Variants in SH3TC1 observed in about 807,000 individuals in gnomAD.
The protein encoded by SH3TC1 is SH3 domain and tetratricopeptide repeats 1, also known as SH3 domain and tetratricopeptide repeat-containing protein 1.
Under a neutral mutation model 117.3 loss-of-function variants are expected in SH3TC1, and 135 were observed. The observed-to-expected ratio is 1.15, with a 90% CI of 1.00 to 1.33. SH3TC1 has a LOEUF of 1.33. Ranked by LOEUF, SH3TC1 falls within the 40% of genes most tolerant of loss-of-function variation. SH3TC1 has a pLI of 0.00. For synonymous variants in SH3TC1, 898 were observed against 816.9 expected (o/e 1.10, Z -1.69); for missense variants, 2,092 against 1,794.3 (o/e 1.17, Z -3.00).
intron 1 of SH3TC1, among the ~76,000 whole-genome samples, chr4:8,191,487 C>A (rs967625389): frequency 3.9e-5 from 6 of 152,240 alleles, no homozygotes; most frequent in Admixed American, 2.6e-4. Flanking sequence ...GGGCCTAGAG[C>A]TCTGCTCTTC....
intron 1 of SH3TC1, among the ~76,000 whole-genome samples, chr4:8,204,495 G>T (rs1217250156): frequency 6.6e-6 from 1 of 152,142 alleles, no homozygotes; most frequent in East Asian, 1.9e-4. Flanking sequence ...GGGCAGGGTG[G>T]ACCTTTCCCC....
chr4:8,213,135 T>G, intron 4 of SH3TC1: 1 of 395,142 alleles, frequency 2.5e-6, no homozygotes, highest in Non-Finnish European at 4.5e-6. Context: ...CAAAGTCTCT[T>G]TGATGGGGAG....
Position 8,212,828 on chromosome 4 carries a change from G to A in SH3TC1, c.375G>A (p.Gly125=). The change falls in exon 4 of 18, where the codon GGG becomes GGA. Residue 125 remains glycine (G), a splice_region_variant and synonymous_variant. Coordinates refer to ENST00000245105, the MANE Select transcript of SH3TC1 (RefSeq NM_018986.5). ...GCCGGGAGATGGCCCGCGTGCTTGGGGTGAGTAGCCCTCTGGGGCCTGCTC... is the reference window on the plus strand; with the variant it reads ...GCCGGGAGATGGCCCGCGTGCTTGGAGTGAGTAGCCCTCTGGGGCCTGCTC... The part of the protein sequence containing the change: ...NDSREMARVL[G]ELSARLLSIH... 1 of 1,572,454 alleles carries A rather than the reference G, an allele frequency of 6.4e-7. No homozygotes were observed. Among genetic ancestry groups the A allele is most frequent in the African/African-American group, 1.3e-5 (1 of 74,394 alleles).
rs1303457784 is a variant in SH3TC1 at position 8,216,126 on chromosome 4, G to T, written c.497G>T (p.Cys166Phe). Residue 166 changes from cysteine to phenylalanine, a missense_variant, in exon 6 of 18, where the codon TGC becomes TTC. By Grantham distance (205) the Cys-to-Phe change is radical. Transcript: ENST00000245105. ...GCCTCCACAGGCTTCACTCATCACT[G>T]CCTGGCAAACCTGCTCATGGACCAG... Reference protein sequence around the residue: ...TYHALGFTHHCLANLLMDQAF... With the variant: ...TYHALGFTHHFLANLLMDQAF... The T allele has an allele frequency of 6.2e-7, 1 of 1,613,374 alleles. No homozygotes were observed. Among genetic ancestry groups the T allele is most frequent in the African/African-American group, 1.3e-5 (1 of 75,040 alleles).
chr4:8,233,141 A>G lies in SH3TC1; in HGVS notation c.3132-222A>G, dbSNP rs923590785. ...TAGCACGCTCCCCCAGCCACAGGGC[A>G]GCATGATGCCCAGTTCCCTCAGAAG... is the stretch of plus-strand genomic sequence containing the variant. On this transcript the variant is annotated intron_variant, in intron 13 of 17. Coordinates refer to ENST00000245105, the MANE Select transcript of SH3TC1 (RefSeq NM_018986.5). 63 of 1,374,092 alleles carry G rather than the reference A, an allele frequency of 4.6e-5. No individual in the cohort carries two copies. In the African/African-American group the frequency reaches 7.5e-4, roughly 16 times the overall value. The allele number at this position is 1,374,092 out of a possible 1,614,324, so 85.1% of individuals were successfully genotyped here.
intron 7 of SH3TC1, among the ~76,000 whole-genome samples, chr4:8,217,850 TGA>T (rs1719446623): frequency 1.3e-5 from 2 of 152,146 alleles, no homozygotes; most frequent in South Asian, 4.2e-4. Context: ...GAACTGAGGC[TGA>T]GAGAGGAGTG....
chr4:8,220,649 C>T (rs1578700338), intron 9 of SH3TC1, among the ~76,000 whole-genome samples: 1 of 152,164 alleles, frequency 6.6e-6, no homozygotes, highest in African/African-American at 2.4e-5. Context: ...ATGGAGAGGC[C>T]ACCTTCTGGG....
At chr4:8,193,171 C>T (rs1717467392) in intron 1 of SH3TC1, among the ~76,000 whole-genome samples, 1 of 152,244 alleles carries the variant, frequency 6.6e-6, no homozygotes, top group Non-Finnish European at 1.5e-5. Context: ...ACGTTTGCCT[C>T]CCCTCTTCTA....
intron 1 of SH3TC1, among the ~76,000 whole-genome samples, chr4:8,189,740 G>A (rs772570078): frequency 7.9e-5 from 12 of 152,212 alleles, no homozygotes; most frequent in Non-Finnish European, 8.8e-5. Context: ...AGAGGCAGAC[G>A]GTGGCACTGG....
In SH3TC1 at chr4:8,239,471, TGCACACATAG is replaced by T. The variant is rs1429710101; in HGVS notation, c.3754-1219_3754-1210del. 5.6e-5 allele frequency among the ~76,000 whole-genome samples: 8 copies of T among 143,660 alleles called. No individual in the cohort carries two copies. In the South Asian group the frequency reaches 6.6e-4, roughly 12 times the overall value. The allele number at this position is 143,660 out of a possible 152,430, so 94.2% of individuals were successfully genotyped here. On this transcript the variant is annotated intron_variant, in intron 17 of 17. Transcript: ENST00000245105. Reference sequence around the variant, plus strand: ...GCACACGCAGATGCACACAGGCATATGCACACATAGGCACACACAGGCACACGCAAATGCA... The same window carrying T: ...GCACACGCAGATGCACACAGGCATATGCACACACAGGCACACGCAAATGCA...
intron 1 of SH3TC1, among the ~76,000 whole-genome samples, chr4:8,185,600 TG>T (rs1326217684): frequency 6.6e-6 from 1 of 152,220 alleles, no homozygotes; most frequent in African/African-American, 2.4e-5. Context: ...CTCTGAAGCT[TG>T]CTTTTTTCTG....
At chr4:8,211,741 G>A (rs968186735) in intron 3 of SH3TC1, among the ~76,000 whole-genome samples, 4 of 151,914 alleles carry the variant, frequency 2.6e-5, no homozygotes, top group Non-Finnish European at 2.9e-5. Flanking sequence ...GATTCTAGTG[G>A]GAAATTGCCA....
Position 8,235,526 on chromosome 4 carries a change from G to A in SH3TC1, c.3376G>A (p.Glu1126Lys). 2 of 1,606,364 alleles carry A rather than the reference G, an allele frequency of 1.2e-6. No individual in the cohort carries two copies. The highest frequency in any genetic ancestry group is 1.7e-5 in the Admixed American group (1 of 58,990). The change falls in exon 15 of 18, where the codon GAG (glutamate) becomes AAG (lysine). Residue 1126 changes from glutamate (E) to lysine (K), a missense_variant. Glu to Lys is a moderately conservative substitution (Grantham distance 56). Coordinates refer to ENST00000245105, the MANE Select transcript of SH3TC1 (RefSeq NM_018986.5). Reference sequence around the variant, plus strand: ...AGACATCTTCTTCGACGGGGCCTGGGAGCGGGAGAAAGCTGTGTCCTTCTA... The same window carrying A: ...AGACATCTTCTTCGACGGGGCCTGGAAGCGGGAGAAAGCTGTGTCCTTCTA... ...AGDIFFDGAWEREKAVSFYRD... is the reference protein window; with the variant it reads ...AGDIFFDGAWKREKAVSFYRD...
intron 8 of SH3TC1, among the ~76,000 whole-genome samples, 184 bp downstream of exon 8, chr4:8,218,531 C>G (rs780081627): frequency 6.6e-6 from 1 of 152,168 alleles, no homozygotes; most frequent in Non-Finnish European, 1.5e-5. Flanking sequence ...TTGTACCAAC[C>G]GAGTCTTCTC....
chr4:8,200,641 G>A (rs951048011), intron 1 of SH3TC1, among the ~76,000 whole-genome samples: 53 of 152,240 alleles, frequency 3.5e-4, no homozygotes, highest in Admixed American at 1.4e-3. Flanking sequence ...GGGCCCAGCA[G>A]CGCACGGGTG....
rs1341615112 is a variant in SH3TC1, at chr4:8,210,184, C to G, written c.247+362C>G. 6.6e-6 allele frequency among the ~76,000 whole-genome samples: 1 copy of G among 152,046 alleles called. No homozygotes were observed. The highest frequency in any genetic ancestry group is 2.4e-5 in the African/African-American group (1 of 41,398). On this transcript the variant is annotated intron_variant, in intron 3 of 17. Transcript: ENST00000245105. The surrounding 1 kb of genome is among the most constrained non-coding windows in gnomAD (Gnocchi z 4.1). ...GGTGAGGTGTCCAGGCACAGGCTTC[C>G]CAGGGATGGGATCGCCGCAGGGCAC...
At chr4:8,202,154 C>T (rs116256472) in intron 1 of SH3TC1, among the ~76,000 whole-genome samples, 2,894 of 152,168 alleles carry the variant, frequency 0.019, 50 homozygotes, top group African/African-American at 0.052. Flanking sequence ...GACTCAGGGC[C>T]AGGTGGTGGG....
At chr4:8,230,783 CTTT>C (rs59242411) in intron 12 of SH3TC1, among the ~76,000 whole-genome samples, 40,805 of 134,064 alleles carry the variant, frequency 0.3, 6,833 homozygotes, top group Non-Finnish European at 0.39. Flanking sequence ...ATATGCTGTG[CTTT>C]TTTTTTTTTT....
intron 9 of SH3TC1, among the ~76,000 whole-genome samples, chr4:8,220,911 A>C (rs1298896022): frequency 6.6e-6 from 1 of 152,240 alleles, no homozygotes; most frequent in African/African-American, 2.4e-5. Context: ...CTAGACCAGC[A>C]GTTCCCAAAG....
Sources: allele counts gnomAD v4.1 joint callset (sites outside exome capture counted in the v4.1 genomes callset), GRCh38; gene constraint gnomAD v4.1.1; non-coding constraint Gnocchi (gnomAD v3.1); transcripts MANE v1.5; gene names NCBI Gene and HGNC (gene_info 2026-07-23, HGNC 2026-07-21).